The following SEMA6D variants were observed in gnomAD, a reference collection of about 807,000 sequenced individuals.
SEMA6D encodes semaphorin-6D.
A neutral mutation model predicts 106.6 loss-of-function variants in SEMA6D; 35 were observed. That is an observed-to-expected ratio of 0.33 (90% CI 0.25 to 0.44). The LOEUF (loss-of-function observed/expected upper bound fraction) is 0.44. Ranked by LOEUF, SEMA6D falls within the 20% of genes least tolerant of loss-of-function variation. The probability of loss-of-function intolerance (pLI) is 1.00; values close to 1 mark genes in which losing one functional copy is unlikely to be tolerated. For missense variants in SEMA6D, 1,185 were observed against 1,345.9 expected, an observed-to-expected ratio of 0.88 and a Z score of 1.87; for synonymous variants, 499 against 487.7, an observed-to-expected ratio of 1.02 and a Z score of -0.31.
intron 1 of SEMA6D, among the ~76,000 whole-genome samples, chr15:47,205,947 GT>G (rs554282257): frequency 0.012 from 1,852 of 151,924 alleles, 43 homozygotes; most frequent in Admixed American, 0.012. Flanking sequence ...TTGCCTTTCA[GT>G]TACACTTCTA....
At chr15:47,726,559 G>T (rs1484467819) in intron 1 of SEMA6D, among the ~76,000 whole-genome samples, 2 of 152,158 alleles carry the variant, frequency 1.3e-5, no homozygotes. Flanking sequence ...TCAACTTCGT[G>T]GGGGCTGTGA....
At chr15:47,685,733 G>A (rs546512589) in intron 4 of SEMA6D, among the ~76,000 whole-genome samples, 3 of 152,144 alleles carry the variant, frequency 2.0e-5, no homozygotes, top group Non-Finnish European at 4.4e-5. Flanking sequence ...ATGTGAACAA[G>A]GATCCTGGAG....
intron 1 of SEMA6D, among the ~76,000 whole-genome samples, chr15:47,185,939 A>G (rs900198797): frequency 3.3e-5 from 5 of 152,274 alleles, no homozygotes; most frequent in Admixed American, 1.3e-4. Context: ...AGCTCTTGAC[A>G]AGAGAAATTA....
At chr15:47,696,960 T>C (rs1320863127) in intron 4 of SEMA6D, among the ~76,000 whole-genome samples, 1 of 152,198 alleles carries the variant, frequency 6.6e-6, no homozygotes, top group Non-Finnish European at 1.5e-5. Context: ...GCGGTTGTTG[T>C]CATCTTCATT....
chr15:47,547,567 G>A (rs1440033912), intron 3 of SEMA6D, among the ~76,000 whole-genome samples: 1 of 151,942 alleles, frequency 6.6e-6, no homozygotes, highest in African/African-American at 2.4e-5. Context: ...TCAGCATTTG[G>A]TAAGTCCCAA....
At chr15:47,356,593 A>G (rs2038581781) in intron 1 of SEMA6D, among the ~76,000 whole-genome samples, 1 of 151,982 alleles carries the variant, frequency 6.6e-6, no homozygotes, top group Non-Finnish European at 1.5e-5. Context: ...ATCCTTACAA[A>G]GGTGTGTGTC....
At chr15:47,668,568 C>G (rs920365883) in intron 4 of SEMA6D, among the ~76,000 whole-genome samples, 6 of 152,174 alleles carry the variant, frequency 3.9e-5, no homozygotes, top group Admixed American at 3.9e-4. Flanking sequence ...TGTTTCACTT[C>G]AAGAAGCCAA....
chr15:47,509,717 T>C (rs1412665662), intron 3 of SEMA6D, among the ~76,000 whole-genome samples: 2 of 152,224 alleles, frequency 1.3e-5, no homozygotes, highest in Non-Finnish European at 2.9e-5. Flanking sequence ...AAATGCTGTT[T>C]ATTATTTCAG....
At chr15:47,520,757 A>G (rs534150765) in intron 3 of SEMA6D, among the ~76,000 whole-genome samples, 4 of 152,172 alleles carry the variant, frequency 2.6e-5, no homozygotes, top group Non-Finnish European at 5.9e-5. Flanking sequence ...GGGGATTACA[A>G]TGGAGAATCT....
At chr15:47,294,920 A>G (rs5010273) in intron 1 of SEMA6D, among the ~76,000 whole-genome samples, 65,234 of 126,132 alleles carry the variant, frequency 0.52, 16,505 homozygotes, top group Non-Finnish European at 0.67. Flanking sequence ...TCAGTCTGGA[A>G]CAAAATCTGA....
intron 4 of SEMA6D, among the ~76,000 whole-genome samples, chr15:47,670,121 G>T (rs1057515394): frequency 6.6e-6 from 1 of 152,136 alleles, no homozygotes; most frequent in African/African-American, 2.4e-5. Context: ...CATTTCTGGA[G>T]CATCACTCCC....
chr15:47,720,594 CTG>C (rs998870173), intron 1 of SEMA6D, among the ~76,000 whole-genome samples: 3 of 152,118 alleles, frequency 2.0e-5, no homozygotes, highest in African/African-American at 7.2e-5. Context: ...GTAACTGTGA[CTG>C]GGGTAAGCAG....
Position 47,756,451 on chromosome 15 carries a change from C to T in SEMA6D, c.-54-3294C>T, listed in dbSNP as rs539210649. On this transcript the variant is annotated intron_variant, in intron 1 of 18. Coordinates refer to ENST00000536845, the MANE Select transcript of SEMA6D (RefSeq NM_001358351.3). ...CAGGCTCTGTGTTAGATGCCTCATA[C>T]TGATTATCTCATTTAATCCTAAACA... Among the ~76,000 whole-genome samples, 6 of 152,140 alleles carry T rather than the reference C, an allele frequency of 3.9e-5. No homozygotes were observed. In the East Asian group the frequency reaches 1.2e-3, roughly 29 times the overall value.
intron 4 of SEMA6D, among the ~76,000 whole-genome samples, chr15:47,660,645 T>G (rs2077900136): frequency 6.6e-6 from 1 of 152,218 alleles, no homozygotes; most frequent in African/African-American, 2.4e-5. Context: ...TTTTATAATA[T>G]TTGATTTTTT....
At chr15:47,406,324 C>T (rs969710676) in intron 1 of SEMA6D, among the ~76,000 whole-genome samples, 11 of 152,054 alleles carry the variant, frequency 7.2e-5, no homozygotes, top group Admixed American at 4.6e-4. Context: ...GGAAAAGGTT[C>T]GACTGCTGGT....
At chr15:47,351,642 T>TCACTTGC (rs2038330787) in intron 1 of SEMA6D, among the ~76,000 whole-genome samples, 1 of 152,114 alleles carries the variant, frequency 6.6e-6, no homozygotes, top group South Asian at 2.1e-4. Context: ...CTTTACCATA[T>TCACTTGC]CACTTGCCAC....
chr15:47,267,742 T>A (rs2034387465), intron 1 of SEMA6D, among the ~76,000 whole-genome samples: 2 of 152,158 alleles, frequency 1.3e-5, no homozygotes, highest in African/African-American at 4.8e-5. Flanking sequence ...ATCTTCTTTT[T>A]GAACTGATGT....
intron 3 of SEMA6D, among the ~76,000 whole-genome samples, chr15:47,496,226 C>T (rs1262449766): frequency 2.0e-5 from 3 of 152,066 alleles, no homozygotes; most frequent in African/African-American, 4.8e-5. Context: ...TTTTCCATGA[C>T]TTCCGTTATT....
chr15:47,290,581 A>G (rs1458832693), intron 1 of SEMA6D, among the ~76,000 whole-genome samples: 1 of 151,918 alleles, frequency 6.6e-6, no homozygotes, highest in Non-Finnish European at 1.5e-5. Flanking sequence ...GAAATGATTT[A>G]TATTAATTAC....
Sources: gnomAD v4.1 joint callset for allele counts (sites outside exome capture counted in the v4.1 genomes callset) on GRCh38, gnomAD v4.1.1 for gene constraint, MANE v1.5 for transcripts, NCBI Gene and HGNC (gene_info 2026-07-23, HGNC 2026-07-21) for gene names.